The following DENND1A variants were observed in gnomAD, a reference collection of about 807,000 sequenced individuals.
DENND1A encodes DENN domain-containing protein 1A.
Under a neutral mutation model 113.7 loss-of-function variants are expected in DENND1A, and 51 were observed. That is an observed-to-expected ratio of 0.45 (90% confidence interval 0.36 to 0.57). The LOEUF (loss-of-function observed/expected upper bound fraction) is 0.57. DENND1A is among the 20% of genes least tolerant of loss of function. The pLI, the probability that DENND1A is intolerant of heterozygous loss-of-function variation, is 0.00. For missense variants in DENND1A, 1,258 were observed against 1,395.9 expected, an observed-to-expected ratio of 0.90 and a Z score of 1.57; for synonymous variants, 565 against 570.8, an observed-to-expected ratio of 0.99 and a Z score of 0.14.
At chr9:123,915,279 G>A (rs1453095950) in intron 1 of DENND1A, among the ~76,000 whole-genome samples, 1 of 151,966 alleles carries the variant, frequency 6.6e-6, no homozygotes. Flanking sequence ...GGCTGAAAAT[G>A]TTATTTTAGC....
At chr9:123,726,925 G>A (rs1264845565) in intron 5 of DENND1A, among the ~76,000 whole-genome samples, 1 of 152,176 alleles carries the variant, frequency 6.6e-6, no homozygotes, top group Non-Finnish European at 1.5e-5. Flanking sequence ...TCATGGGGCT[G>A]AGTGGGAAAG....
At chr9:123,449,876 A>G (rs1201957398) in intron 18 of DENND1A, among the ~76,000 whole-genome samples, 1 of 152,152 alleles carries the variant, frequency 6.6e-6, no homozygotes, top group African/African-American at 2.4e-5. Flanking sequence ...ATAAAAGACT[A>G]CAAATTGGGT....
chr9:123,391,904 C>A (rs531074618), intron 21 of DENND1A, among the ~76,000 whole-genome samples: 1 of 152,216 alleles, frequency 6.6e-6, no homozygotes, highest in South Asian at 2.1e-4. Context: ...AACTTGGCTG[C>A]CCAGCGAGGG....
intron 9 of DENND1A, among the ~76,000 whole-genome samples, chr9:123,634,316 T>C (rs2061608500): frequency 6.6e-6 from 1 of 152,248 alleles, no homozygotes; most frequent in Non-Finnish European, 1.5e-5. Flanking sequence ...AATGCATTAC[T>C]CATTTGATTA....
intron 21 of DENND1A, among the ~76,000 whole-genome samples, chr9:123,391,243 G>C (rs995524903): frequency 5.3e-5 from 8 of 152,240 alleles, no homozygotes; most frequent in Non-Finnish European, 1.2e-4. Context: ...AGGCCTAGCT[G>C]TCTCCAGAAT....
At chr9:123,698,701 T>C (rs986429189) in intron 5 of DENND1A, among the ~76,000 whole-genome samples, 48 of 152,320 alleles carry the variant, frequency 3.2e-4, no homozygotes, top group African/African-American at 1.0e-3. Context: ...TGCATTCCTA[T>C]AGAAATGCCC....
intron 3 of DENND1A, among the ~76,000 whole-genome samples, chr9:123,788,344 T>C (rs1343281981): frequency 1.3e-5 from 2 of 152,174 alleles, no homozygotes; most frequent in South Asian, 4.1e-4. Flanking sequence ...TAAAGGCTCA[T>C]GTTTTTTAAT....
At chr9:123,607,153 G>C (rs1408285836) in intron 11 of DENND1A, among the ~76,000 whole-genome samples, 1 of 152,072 alleles carries the variant, frequency 6.6e-6, no homozygotes, top group African/African-American at 2.4e-5. Context: ...GCAATGTTGT[G>C]ACTATGCACT....
At position 123,927,461 on chromosome 9, in the gene DENND1A, G is replaced by GA. The variant is rs200894309; in HGVS notation, c.17+2427dup. Among the ~76,000 whole-genome samples the GA allele has an allele frequency of 1.1e-4, 16 of 151,406 alleles. No individual in the cohort carries two copies. The East Asian group carries it at 2.9e-3, about 27-fold the overall frequency. On this transcript the variant is annotated intron_variant, in intron 1 of 23. Transcript: ENST00000394215. Reference sequence around the variant, plus strand: ...TTCTTAGTCTTTTGATACAGAAGGTGAAAAAAAAGAAAAAAACCTAACAAT... The same window carrying GA: ...TTCTTAGTCTTTTGATACAGAAGGTGAAAAAAAAAGAAAAAAACCTAACAAT...
chr9:123,771,751 C>G (rs2131660128), intron 3 of DENND1A, among the ~76,000 whole-genome samples: 1 of 152,226 alleles, frequency 6.6e-6, no homozygotes, highest in East Asian at 1.9e-4. Context: ...TTGAACTTGT[C>G]TGTCAGATAA....
intron 19 of DENND1A, among the ~76,000 whole-genome samples, chr9:123,430,302 A>G (rs1458053811): frequency 1.3e-5 from 2 of 152,240 alleles, no homozygotes; most frequent in Non-Finnish European, 2.9e-5. Flanking sequence ...GATCTAAAGC[A>G]TAAATACCAT....
At chr9:123,912,213 T>C (rs1854124858) in intron 1 of DENND1A, among the ~76,000 whole-genome samples, 1 of 152,090 alleles carries the variant, frequency 6.6e-6, no homozygotes, top group African/African-American at 2.4e-5. Context: ...GAAGAAAATC[T>C]ACATTAGAAA....
At chr9:123,490,675 TA>T (rs148526303) in intron 13 of DENND1A, among the ~76,000 whole-genome samples, 157 of 148,744 alleles carry the variant, frequency 1.1e-3, no homozygotes, top group Non-Finnish European at 1.9e-3. Context: ...AGTAGCACAT[TA>T]AAAAAAAAAC....
intron 19 of DENND1A, among the ~76,000 whole-genome samples, chr9:123,419,192 T>C (rs1226445296): frequency 2.0e-5 from 3 of 152,088 alleles, no homozygotes; most frequent in Non-Finnish European, 2.9e-5. Context: ...CATGCAAAGA[T>C]TGGGGTGGCT....
intron 5 of DENND1A, among the ~76,000 whole-genome samples, chr9:123,692,729 T>C (rs1175373055): frequency 6.6e-6 from 1 of 152,216 alleles, no homozygotes; most frequent in Non-Finnish European, 1.5e-5. Flanking sequence ...GATGGTAACA[T>C]TTTTACCTTT....
intron 2 of DENND1A, among the ~76,000 whole-genome samples, chr9:123,806,769 C>G (rs1156464535): frequency 1.3e-5 from 2 of 151,894 alleles, no homozygotes; most frequent in East Asian, 1.9e-4. Context: ...ATCCCCAGCG[C>G]CTGGAAAAAG....
At chr9:123,401,667 C>T in intron 21 of DENND1A, 2 of 1,481,662 alleles carry the variant, frequency 1.3e-6, no homozygotes, top group African/African-American at 1.4e-5. Flanking sequence ...AAACAAACAA[C>T]AAACCAACCA....
chr9:123,632,903 A>T (rs59727383), intron 9 of DENND1A, among the ~76,000 whole-genome samples: 3,568 of 151,070 alleles, frequency 0.024, 74 homozygotes, highest in African/African-American at 0.059. Flanking sequence ...TATTATAATA[A>T]TAATAATATT....
At chr9:123,748,123 T>C (rs2069677840) in intron 5 of DENND1A, among the ~76,000 whole-genome samples, 1 of 152,202 alleles carries the variant, frequency 6.6e-6, no homozygotes, top group African/African-American at 2.4e-5. Context: ...TAAATCAATC[T>C]CACACAAATA....
Sources: gnomAD v4.1 joint callset for allele counts (sites outside exome capture counted in the v4.1 genomes callset) on GRCh38, gnomAD v4.1.1 for gene constraint, MANE v1.5 for transcripts, NCBI Gene and HGNC (gene_info 2026-07-23, HGNC 2026-07-21) for gene names.